The following RBM26 variants were observed in gnomAD, a reference collection of about 807,000 sequenced individuals.
The protein encoded by RBM26 is RNA-binding protein 26.
In RBM26, 30 loss-of-function variants were observed where a neutral mutation model predicts 123.6. The ratio of observed to expected loss-of-function variants is 0.24; its 90% CI spans 0.18 to 0.33. RBM26 has a LOEUF of 0.33. Among genes scored for constraint, RBM26 ranks in the 10% least tolerant of loss-of-function variants. The pLI is 1.00. For synonymous variants in RBM26, 400 were observed against 404.4 expected, an observed-to-expected ratio of 0.99 and a Z score of 0.13; for missense variants, 947 against 1,203.6, an observed-to-expected ratio of 0.79 and a Z score of 3.15.
At chr13:79,357,881 ATTTT>A (rs34027077) in intron 11 of RBM26, among the ~76,000 whole-genome samples, 5 of 130,244 alleles carry the variant, frequency 3.8e-5, no homozygotes, top group African/African-American at 5.7e-5. Flanking sequence ...CAGAATAACA[ATTTT>A]TTTTTTTTTT....
At chr13:79,337,407 T>TA in intron 18 of RBM26, 105 bp from the exon 19 acceptor site, 3 of 1,260,878 alleles carry the variant, frequency 2.4e-6, no homozygotes, top group Non-Finnish European at 3.4e-6. Context: ...TTTGACAATG[T>TA]ATTCAAATGC....
At chr13:79,401,687 G>C (rs2079063873) in intron 1 of RBM26, among the ~76,000 whole-genome samples, 1 of 152,152 alleles carries the variant, frequency 6.6e-6, no homozygotes, top group Non-Finnish European at 1.5e-5. Context: ...AGGAGGGGAA[G>C]GGCAAGGCTC....
Position 79,320,499 on chromosome 13 carries a change from G to A in RBM26, c.*122C>T. 2 of 1,264,626 alleles carry A rather than the reference G, an allele frequency of 1.6e-6. No homozygotes were observed. The highest frequency in any genetic ancestry group is 3.0e-5 in the South Asian group (1 of 33,730). 78.3% of individuals were successfully genotyped at this position (1,264,626 alleles called of 1,614,324 possible). A position where few individuals can be genotyped will look rare whatever the true frequency, so the allele number is the denominator to read the frequency against. ...TAGTTTTCTTCTTTTTTGTCTATTT[G>A]TGAAATCCATCTTCATCACATTTTA... On this transcript the variant is annotated 3_prime_UTR_variant, in exon 22 of 22. Coordinates refer to ENST00000438737, the MANE Select transcript of RBM26 (RefSeq NM_001366735.2).
At chr13:79,350,673 G>T (rs1373768369) in intron 14 of RBM26, among the ~76,000 whole-genome samples, 1 of 152,074 alleles carries the variant, frequency 6.6e-6, no homozygotes, top group Non-Finnish European at 1.5e-5. Context: ...TATTTATTTA[G>T]TTTAATAATG....
In RBM26 at chr13:79,358,500, A is replaced by G. The variant is rs2074290619; in HGVS notation, c.1530-67T>C. 4.8e-6 allele frequency: 6 copies of G among 1,238,400 alleles called. No homozygotes were observed. In the South Asian group the frequency reaches 7.0e-5, roughly 14 times the overall value. The allele number at this position is 1,238,400 out of a possible 1,614,324, so 76.7% of individuals were successfully genotyped here. A position where few individuals can be genotyped will look rare whatever the true frequency, so the allele number is the denominator to read the frequency against. On this transcript the variant is annotated intron_variant, in intron 10 of 21. Transcript: ENST00000438737. The stretch of plus-strand genomic sequence containing the variant: ...TGACCCTAACCAAATACAAGGGAAT[A>G]AAGTTTAACAAAATAGATATCCAAT...
chr13:79,380,146 CA>C (rs1156440170), intron 1 of RBM26, among the ~76,000 whole-genome samples: 1 of 152,092 alleles, frequency 6.6e-6, no homozygotes, highest in African/African-American at 2.4e-5. Context: ...GACATGTGTA[CA>C]AGTTATTCAT....
In RBM26 at chr13:79,342,857, A is replaced by G. The variant is rs766095671; in HGVS notation, c.2260-26T>C. ...CTGCCAAATTTTTAAAAAGAGAAAA[A>G]TAAAGCTAATTACTCCTATTATCAT... On this transcript the variant is annotated intron_variant, in intron 16 of 21. Transcript: ENST00000438737. 6.3e-6 allele frequency: 9 copies of G among 1,429,322 alleles called. No homozygotes were observed. In the South Asian group the frequency reaches 8.6e-5, roughly 14 times the overall value. The allele number at this position is 1,429,322 out of a possible 1,614,324, so 88.5% of individuals were successfully genotyped here.
rs937959616 is a variant in RBM26 at position 79,319,386 on chromosome 13, T to C, written c.*1235A>G. On this transcript the variant is annotated 3_prime_UTR_variant, in exon 22 of 22. Transcript: ENST00000438737. Reference sequence around the variant, plus strand: ...CCCATTCTACAAAGAATGCATTTATTTCCTGGAAACTGCCATATCAACTTT... The same window carrying C: ...CCCATTCTACAAAGAATGCATTTATCTCCTGGAAACTGCCATATCAACTTT... 5.1e-6 allele frequency: 5 copies of C among 984,496 alleles called. No homozygotes were observed. The highest frequency in any genetic ancestry group is 6.0e-6 in the Non-Finnish European group (5 of 829,374). 61.0% of individuals were successfully genotyped at this position (984,496 alleles called of 1,614,324 possible).
At chr13:79,376,031 A>C (rs1216786300) in intron 3 of RBM26, among the ~76,000 whole-genome samples, 1 of 151,942 alleles carries the variant, frequency 6.6e-6, no homozygotes, top group Admixed American at 6.6e-5. Context: ...TAATATTTCC[A>C]TTTCGCAGCT....
chr13:79,359,681 G>A lies in RBM26; in HGVS notation c.1423C>T (p.Pro475Ser), dbSNP rs1174474555. The stretch of plus-strand genomic sequence containing the variant: ...ATCCTCATACTGCTTTTATTGGGAG[G>A]CTTTTCTGTTTTAAAACAAAAGAAA... ...GDMDLPPREK[P>S]PNKSSMRIVV... The change falls in exon 10 of 22, where the codon CCT (proline) becomes TCT (serine). Residue 475 changes from proline to serine, a missense_variant. Physicochemically the swap from Pro to Ser is moderately conservative, Grantham distance 74 (BLOSUM62 -1). Around this residue, in one of 5 missense-constraint regions of RBM26, gnomAD observed 493 missense variants for 563.1 expected, o/e 0.88. Coordinates refer to ENST00000438737, the MANE Select transcript of RBM26 (RefSeq NM_001366735.2). 1.3e-6 allele frequency: 2 copies of A among 1,522,494 alleles called. No individual in the cohort carries two copies. The highest frequency in any genetic ancestry group is 1.8e-6 in the Non-Finnish European group (2 of 1,133,514). 94.3% of individuals were successfully genotyped at this position (1,522,494 alleles called of 1,614,324 possible). A position where few individuals can be genotyped will look rare whatever the true frequency, so the allele number is the denominator to read the frequency against.
intron 12 of RBM26, 100 bp from the exon 13 acceptor site, chr13:79,354,670 T>A: frequency 1.6e-5 from 18 of 1,111,036 alleles, no homozygotes; most frequent in Non-Finnish European, 2.1e-5. Flanking sequence ...AGAGAAAGTT[T>A]TTAAAATGCA....
chr13:79,394,589 T>C (rs2078392678), intron 1 of RBM26, among the ~76,000 whole-genome samples: 1 of 152,192 alleles, frequency 6.6e-6, no homozygotes, highest in Non-Finnish European at 1.5e-5. Context: ...CAAGGTCATA[T>C]TTGAACAAAA....
At chr13:79,362,147 AG>A (rs2074767969) in intron 9 of RBM26, among the ~76,000 whole-genome samples, 1 of 152,142 alleles carries the variant, frequency 6.6e-6, no homozygotes, top group South Asian at 2.1e-4. Flanking sequence ...CAAATGCCCC[AG>A]GGGGACAAGA....
intron 14 of RBM26, among the ~76,000 whole-genome samples, chr13:79,348,933 T>A (rs2072759890): frequency 6.6e-6 from 1 of 152,224 alleles, no homozygotes; most frequent in African/African-American, 2.4e-5. Flanking sequence ...AATTTTATTC[T>A]TTTAATTGAC....
intron 14 of RBM26, among the ~76,000 whole-genome samples, chr13:79,352,783 TAGTA>T (rs2073440841): frequency 1.3e-5 from 2 of 152,198 alleles, no homozygotes; most frequent in African/African-American, 2.4e-5. Context: ...GTCATGCAGT[TAGTA>T]AGTGAAGAGC....
At chr13:79,377,791 C>T (rs2076769047) in intron 2 of RBM26, among the ~76,000 whole-genome samples, 1 of 152,082 alleles carries the variant, frequency 6.6e-6, no homozygotes, top group Non-Finnish European at 1.5e-5. Flanking sequence ...GCCTGTAATT[C>T]CAGATACTAG....
intron 4 of RBM26, among the ~76,000 whole-genome samples, chr13:79,371,479 C>T (rs2075872296): frequency 1.3e-5 from 2 of 151,892 alleles, no homozygotes; most frequent in Admixed American, 1.3e-4. Flanking sequence ...CACTTACAGA[C>T]ATGTATCACA....
At chr13:79,372,522 C>A (rs144315806) in intron 3 of RBM26, among the ~76,000 whole-genome samples, 81 of 151,000 alleles carry the variant, frequency 5.4e-4, no homozygotes, top group African/African-American at 1.8e-3. Flanking sequence ...AGCAAGTATG[C>A]TCATTTAACA....
intron 21 of RBM26, 107 bp downstream of exon 21, chr13:79,322,242 G>T: frequency 1.6e-6 from 1 of 644,828 alleles, no homozygotes; most frequent in Non-Finnish European, 2.5e-6. Context: ...CTGGACTATG[G>T]GTCAGGAATA....
Sources: allele counts gnomAD v4.1 joint callset (sites outside exome capture counted in the v4.1 genomes callset), GRCh38; gene constraint gnomAD v4.1.1; regional missense constraint gnomAD v4.1.1; transcripts MANE v1.5; gene names NCBI Gene and HGNC (gene_info 2026-07-23, HGNC 2026-07-21).